Variants in DLGAP1 observed in about 807,000 individuals in gnomAD.
DLGAP1 encodes the protein disks large-associated protein 1.
In DLGAP1, 11 loss-of-function variants were observed where a neutral mutation model predicts 90.8. That is an observed-to-expected ratio of 0.12 (90% CI 0.08 to 0.20). DLGAP1 has a LOEUF of 0.20. Ranked by LOEUF, DLGAP1 falls within the 10% of genes least tolerant of loss-of-function variation. DLGAP1 has a pLI of 1.00. For synonymous variants in DLGAP1, 558 were observed against 540.7 expected (o/e 1.03, Z -0.44); for missense variants, 1,050 against 1,333.8 (o/e 0.79, Z 3.31).
At chr18:3,894,901 T>C (rs570101618) in intron 3 of DLGAP1, 4 of 152,290 alleles carry the variant, frequency 2.6e-5, no homozygotes, top group East Asian at 1.9e-4. Flanking sequence ...AGCTACAGAG[T>C]TGACCTCCTT....
rs547083832 is a variant in DLGAP1, at chr18:4,125,219, G to A, written c.-159+25961C>T. Among the ~76,000 whole-genome samples, 10 of 152,300 alleles carry A rather than the reference G, an allele frequency of 6.6e-5. No homozygotes were observed. The South Asian group carries it at 2.1e-3, about 32-fold the overall frequency. Reference sequence around the variant, plus strand: ...GCTTATGGGTGATGGATATGTAAATGGACAATTACAATACACAGCAGTGCA... The same window carrying A: ...GCTTATGGGTGATGGATATGTAAATAGACAATTACAATACACAGCAGTGCA... On this transcript the variant is annotated intron_variant, in intron 2 of 12. Transcript: ENST00000315677.
chr18:3,877,757 C>T (rs376474535), intron 4 of DLGAP1, among the ~76,000 whole-genome samples: 94 of 149,074 alleles, frequency 6.3e-4, no homozygotes, highest in African/African-American at 2.3e-3. Flanking sequence ...TTTGTGTCTA[C>T]TTTTTCATAT....
chr18:4,439,343 T>C (rs1197687538), intron 1 of DLGAP1, among the ~76,000 whole-genome samples: 2 of 152,266 alleles, frequency 1.3e-5, no homozygotes, highest in African/African-American at 2.4e-5. Context: ...TTTAAAACTT[T>C]AAGTTAAAAC....
At chr18:3,560,829 T>C (rs985204688) in intron 9 of DLGAP1, among the ~76,000 whole-genome samples, 3 of 150,940 alleles carry the variant, frequency 2.0e-5, no homozygotes, top group Non-Finnish European at 4.4e-5. Context: ...TTGAATTTTC[T>C]TTTCTTTCTT....
intron 7 of DLGAP1, among the ~76,000 whole-genome samples, chr18:3,594,954 G>A (rs2056491699): frequency 6.6e-6 from 1 of 152,210 alleles, no homozygotes; most frequent in Non-Finnish European, 1.5e-5. Context: ...GGATTACTTA[G>A]GATTTCCAGA....
At chr18:4,241,799 G>A (rs2078539780) in intron 1 of DLGAP1, among the ~76,000 whole-genome samples, 1 of 151,998 alleles carries the variant, frequency 6.6e-6, no homozygotes, top group Admixed American at 6.6e-5. Flanking sequence ...AGAAACTTAG[G>A]CAATACTTCC....
intron 8 of DLGAP1, among the ~76,000 whole-genome samples, chr18:3,578,799 C>T (rs2055314978): frequency 6.6e-6 from 1 of 152,026 alleles, no homozygotes; most frequent in Non-Finnish European, 1.5e-5. Context: ...ATCTGTAGGG[C>T]AGAGATGATC....
At chr18:4,052,532 G>A (rs1158380014) in intron 2 of DLGAP1, among the ~76,000 whole-genome samples, 1 of 152,078 alleles carries the variant, frequency 6.6e-6, no homozygotes, top group African/African-American at 2.4e-5. Flanking sequence ...GACCCAGCCT[G>A]CAAAACCATT....
Position 4,313,652 on chromosome 18 carries a change from A to G in DLGAP1, c.-267+141354T>C, listed in dbSNP as rs568273921. Among the ~76,000 whole-genome samples, 57 of 152,302 alleles carry G rather than the reference A, an allele frequency of 3.7e-4. 1 individual carries two copies. Among genetic ancestry groups the G allele is most frequent in the Middle Eastern group, 6.8e-3 (2 of 294 alleles). ...AGGCTCTGGCTTAGCAGCATTTCTG[A>G]GATAAAAAATGAAAATTCCCCTGGA... On this transcript the variant is annotated intron_variant, in intron 1 of 12. Transcript: ENST00000315677.
At chr18:3,531,406 C>T (rs975178956) in intron 10 of DLGAP1, among the ~76,000 whole-genome samples, 3 of 152,076 alleles carry the variant, frequency 2.0e-5, no homozygotes, top group African/African-American at 7.2e-5. Context: ...CATTGCACTC[C>T]AGCCTGGGTG....
chr18:4,034,890 A>T (rs1470844691), intron 2 of DLGAP1, among the ~76,000 whole-genome samples: 1 of 151,694 alleles, frequency 6.6e-6, no homozygotes, highest in Non-Finnish European at 1.5e-5. Flanking sequence ...CCTGCACTAA[A>T]TGCTAATTCT....
intron 8 of DLGAP1, among the ~76,000 whole-genome samples, chr18:3,568,294 A>C (rs1156748919): frequency 6.6e-6 from 1 of 152,134 alleles, no homozygotes; most frequent in Non-Finnish European, 1.5e-5. Flanking sequence ...TTTAGATATT[A>C]ACCTTATTAA....
At chr18:3,960,685 C>G (rs1474701495) in intron 3 of DLGAP1, among the ~76,000 whole-genome samples, 1 of 152,232 alleles carries the variant, frequency 6.6e-6, no homozygotes, top group Non-Finnish European at 1.5e-5. Context: ...TAGTGAGTTC[C>G]CAGGTGAAGC....
At position 4,231,585 on chromosome 18, in the gene DLGAP1, C is replaced by CT. The variant is rs537850035; in HGVS notation, c.-266-80299dup. ...CTCTCTGTTAGAGCTCTAGCCCTCC[C>CT]TGGGGCTTGCTTCTTCCTTTGTTTT... is the stretch of plus-strand genomic sequence containing the variant. On this transcript the variant is annotated intron_variant, in intron 1 of 12. Coordinates refer to ENST00000315677, the MANE Select transcript of DLGAP1 (RefSeq NM_004746.4). Among the ~76,000 whole-genome samples the CT allele has an allele frequency of 1.8e-4, 28 of 152,266 alleles. No individual in the cohort carries two copies. The South Asian group carries it at 5.2e-3, about 28-fold the overall frequency.
chr18:4,366,661 C>G (rs977347117), intron 1 of DLGAP1, among the ~76,000 whole-genome samples: 2 of 151,742 alleles, frequency 1.3e-5, no homozygotes, highest in African/African-American at 4.8e-5. Context: ...GAAGACACTT[C>G]TACAGATAAA....
chr18:4,241,000 C>A (rs16946306), intron 1 of DLGAP1, among the ~76,000 whole-genome samples: 2 of 152,162 alleles, frequency 1.3e-5, no homozygotes, highest in Admixed American at 6.6e-5. Flanking sequence ...CCAGTTTAAT[C>A]GACGTACTGA....
intron 1 of DLGAP1, among the ~76,000 whole-genome samples, chr18:4,298,642 AG>A (rs1426781674): frequency 1.3e-5 from 2 of 151,850 alleles, no homozygotes; most frequent in African/African-American, 4.8e-5. Context: ...GGGAAAGGGG[AG>A]GGAAAGCATC....
intron 5 of DLGAP1, among the ~76,000 whole-genome samples, chr18:3,744,622 T>A (rs1056143617): frequency 6.6e-6 from 1 of 152,190 alleles, no homozygotes; most frequent in Non-Finnish European, 1.5e-5. Flanking sequence ...TGTAGCTCAC[T>A]GCAACCTTCA....
intron 1 of DLGAP1, among the ~76,000 whole-genome samples, chr18:4,400,660 GA>G (rs2082535689): frequency 6.6e-6 from 1 of 152,110 alleles, no homozygotes; most frequent in African/African-American, 2.4e-5. Context: ...TGTGACTGAG[GA>G]GGCCAAGATG....
Sources: allele counts gnomAD v4.1 joint callset (sites outside exome capture counted in the v4.1 genomes callset), GRCh38; gene constraint gnomAD v4.1.1; transcripts MANE v1.5; gene names NCBI Gene and HGNC (gene_info 2026-07-23, HGNC 2026-07-21).